COL4A1: variants seen among roughly 807,000 people sequenced by gnomAD.
The protein encoded by COL4A1 is collagen alpha-1(IV) chain.
In COL4A1, 40 loss-of-function variants were observed where a neutral mutation model predicts 216.6. The observed-to-expected ratio is 0.18, with a 90% CI of 0.14 to 0.24. The LOEUF (loss-of-function observed/expected upper bound fraction) is 0.24. COL4A1 is among the 10% of genes least tolerant of loss of function. The probability of loss-of-function intolerance (pLI) is 1.00; values close to 1 mark genes in which losing one functional copy is unlikely to be tolerated. For synonymous variants in COL4A1, 839 were observed against 810.7 expected, an observed-to-expected ratio of 1.03 and a Z score of -0.59; for missense variants, 1,628 against 2,196.8, an observed-to-expected ratio of 0.74 and a Z score of 5.18.
At chr13:110,261,038 A>AAAAAAAAAAAAAAAAG (rs1882801943) in intron 1 of COL4A1, among the ~76,000 whole-genome samples, 1 of 149,976 alleles carries the variant, frequency 6.7e-6, no homozygotes, top group African/African-American at 2.4e-5. Flanking sequence ...CTCCGTCTCA[A>AAAAAAAAAAAAAAAAG]AAAAAAAAAA....
At chr13:110,253,621 TATA>T (rs1882343898) in intron 1 of COL4A1, among the ~76,000 whole-genome samples, 1 of 143,554 alleles carries the variant, frequency 7.0e-6, no homozygotes, top group African/African-American at 2.6e-5. Context: ...TACATATACT[TATA>T]ATTATATATG....
At chr13:110,205,456 A>C in intron 16 of COL4A1, 38 bp downstream of exon 16, 4 of 1,609,480 alleles carry the variant, frequency 2.5e-6, no homozygotes, top group Non-Finnish European at 3.4e-6. Flanking sequence ...TGGTAGGAAC[A>C]GTGAGCCTGC....
At chr13:110,238,716 T>C (rs192462885) in intron 2 of COL4A1, among the ~76,000 whole-genome samples, 2 of 152,292 alleles carry the variant, frequency 1.3e-5, no homozygotes, top group Admixed American at 1.3e-4. Flanking sequence ...TCACAGACTA[T>C]GGTGATAGTG....
intron 22 of COL4A1, 73 bp downstream of exon 22, chr13:110,194,950 A>G: frequency 1.5e-6 from 2 of 1,372,120 alleles, no homozygotes; most frequent in Non-Finnish European, 2.1e-6. Flanking sequence ...TTGGCTCCAA[A>G]GCCGGTAAGT....
intron 18 of COL4A1, among the ~76,000 whole-genome samples, chr13:110,202,838 A>C (rs558400458): frequency 6.6e-6 from 1 of 152,328 alleles, no homozygotes; most frequent in African/African-American, 2.4e-5. Flanking sequence ...CAAAAATAAA[A>C]ATTGTTTTAC....
At chr13:110,278,975 G>T (rs1304878907) in intron 1 of COL4A1, among the ~76,000 whole-genome samples, 1 of 152,036 alleles carries the variant, frequency 6.6e-6, no homozygotes, top group African/African-American at 2.4e-5. Flanking sequence ...GAAACCCTCA[G>T]GCCCAACTTC....
At chr13:110,234,912 C>A (rs73613421) in intron 2 of COL4A1, among the ~76,000 whole-genome samples, 502 of 152,264 alleles carry the variant, frequency 3.3e-3, no homozygotes, top group African/African-American at 0.011. Context: ...CAATTGATCT[C>A]AAAAAATTAG....
chr13:110,267,862 T>C (rs1594104364), intron 1 of COL4A1, among the ~76,000 whole-genome samples: 2 of 152,286 alleles, frequency 1.3e-5, no homozygotes, highest in South Asian at 4.1e-4. Flanking sequence ...TTATTATATG[T>C]ATATTTATAT....
At chr13:110,235,658 CA>C (rs4000273) in intron 2 of COL4A1, among the ~76,000 whole-genome samples, 81 of 129,576 alleles carry the variant, frequency 6.3e-4, no homozygotes, top group African/African-American at 1.4e-3. Context: ...GACTCTGTCT[CA>C]AAAAAAAAAA....
intron 1 of COL4A1, among the ~76,000 whole-genome samples, chr13:110,293,708 T>C (rs953488675): frequency 3.3e-5 from 5 of 152,170 alleles, no homozygotes; most frequent in Non-Finnish European, 7.3e-5. Context: ...AAGGACCATT[T>C]CTAGAATTAT....
chr13:110,208,756 T>C, intron 12 of COL4A1, 93 bp downstream of exon 12: 2 of 1,173,254 alleles, frequency 1.7e-6, no homozygotes, highest in South Asian at 2.4e-5. Context: ...TAACTATACT[T>C]GTAAGAGTCC....
chr13:110,231,675 A>G (rs897826591), intron 2 of COL4A1, among the ~76,000 whole-genome samples: 1 of 152,198 alleles, frequency 6.6e-6, no homozygotes, highest in Non-Finnish European at 1.5e-5. Flanking sequence ...GTACAGCAGG[A>G]GCCCACAGGA....
intron 24 of COL4A1, 117 bp downstream of exon 24, chr13:110,192,097 C>T (rs1878654770): frequency 1.9e-6 from 2 of 1,065,708 alleles, no homozygotes; most frequent in Admixed American, 1.8e-5. Flanking sequence ...CACAGCAACA[C>T]TTACCAGCTC....
Position 110,177,883 on chromosome 13 carries a change from G to A in COL4A1, c.2675C>T (p.Ser892Leu), listed in dbSNP as rs747751840. 11 of 1,614,138 alleles carry A rather than the reference G, an allele frequency of 6.8e-6. No homozygotes were observed. Among genetic ancestry groups the A allele is most frequent in the South Asian group, 1.1e-5 (1 of 91,076 alleles). ...TCCAGGAGCACCCACTGGTCCTGGT[G>A]AGCCCGGCTGCCCGGGGGTCCCCAT... ...GVMGTPGQPG[S>L]PGPVGAPGLP... Residue 892 changes from serine to leucine, a missense_variant, in exon 33 of 52, where the codon TCA becomes TTA. Physicochemically the swap from Ser to Leu is moderately radical, Grantham distance 145. This residue lies in a region of COL4A1 where 701 missense variants were observed against 892.5 expected (regional missense o/e 0.79). Transcript: ENST00000375820.
intron 1 of COL4A1, among the ~76,000 whole-genome samples, chr13:110,263,021 C>T (rs973604152): frequency 6.6e-6 from 1 of 152,176 alleles, no homozygotes; most frequent in African/African-American, 2.4e-5. Context: ...TCAAGTGAAC[C>T]AAATTTCTCC....
At chr13:110,221,246 T>A (rs1187510920) in intron 2 of COL4A1, among the ~76,000 whole-genome samples, 1 of 152,248 alleles carries the variant, frequency 6.6e-6, no homozygotes, top group Non-Finnish European at 1.5e-5. Context: ...CAGTGAATAT[T>A]TCTGATAGAT....
At chr13:110,236,662 G>C (rs1353307361) in intron 2 of COL4A1, among the ~76,000 whole-genome samples, 4 of 152,130 alleles carry the variant, frequency 2.6e-5, no homozygotes, top group Non-Finnish European at 5.9e-5. Flanking sequence ...CCTTCAAACA[G>C]AGGAAGGAGC....
At position 110,306,990 on chromosome 13, in the gene COL4A1, G is replaced by GGCA. The variant is rs773749770; in HGVS notation, c.35_37dup (p.Leu12dup). On this transcript the variant is annotated inframe_insertion, in exon 1 of 52. Transcript: ENST00000375820. ...CTCCTCGTGGAGCAGAAGGGCGGCG[G>GGCA]GCAGCAGCAGCAGCCAGACGCTGAG... 12 of 1,474,658 alleles carry GGCA rather than the reference G, an allele frequency of 8.1e-6. No individual in the cohort carries two copies. Among genetic ancestry groups the GGCA allele is most frequent in the African/African-American group, 1.5e-5 (1 of 68,338 alleles). The allele number at this position is 1,474,658 out of a possible 1,614,324, so 91.3% of individuals were successfully genotyped here. A position where few individuals can be genotyped will look rare whatever the true frequency, so the allele number is the denominator to read the frequency against.
rs939442516 is a variant in COL4A1, at chr13:110,207,905, C to T, written c.694-416G>A. Among the ~76,000 whole-genome samples the T allele has an allele frequency of 7.3e-5, 6 of 82,418 alleles. No homozygotes were observed. The highest frequency in any genetic ancestry group is 2.8e-4 in the Admixed American group (2 of 7,118). 54.1% of individuals were successfully genotyped at this position (82,418 alleles called of 152,430 possible). A position where few individuals can be genotyped will look rare whatever the true frequency, so the allele number is the denominator to read the frequency against. ...TAAGACAACCATCAAGAGTCTCCCT[C>T]CTCGGGCATCCTAACTGCCGGGTAC... On this transcript the variant is annotated intron_variant, in intron 12 of 51. Transcript: ENST00000375820. The surrounding 1 kb of genome is among the most constrained non-coding windows in gnomAD (Gnocchi z 4.4).
Sources: allele counts gnomAD v4.1 joint callset (sites outside exome capture counted in the v4.1 genomes callset), GRCh38; gene constraint gnomAD v4.1.1; regional missense constraint gnomAD v4.1.1; non-coding constraint Gnocchi (gnomAD v3.1); transcripts MANE v1.5; gene names NCBI Gene and HGNC (gene_info 2026-07-23, HGNC 2026-07-21).